SH3BP5: variants seen among roughly 807,000 people sequenced by gnomAD.
The protein encoded by SH3BP5 is SH3 domain binding protein 5.
Under a neutral mutation model 43.3 loss-of-function variants are expected in SH3BP5, and 22 were observed. The ratio of observed to expected loss-of-function variants is 0.51; its 90% CI spans 0.36 to 0.73. SH3BP5 has a LOEUF of 0.73. Ranked by LOEUF, SH3BP5 falls within the 30% of genes least tolerant of loss-of-function variation. The probability of loss-of-function intolerance (pLI) is 0.00; values close to 1 mark genes in which losing one functional copy is unlikely to be tolerated. For synonymous variants in SH3BP5, 255 were observed against 225.8 expected (o/e 1.13, Z -1.16); for missense variants, 529 against 586.9 (o/e 0.90, Z 1.02).
At chr3:15,293,613 G>A (rs921486210) in intron 3 of SH3BP5, among the ~76,000 whole-genome samples, 5 of 152,188 alleles carry the variant, frequency 3.3e-5, no homozygotes, top group African/African-American at 4.8e-5. Flanking sequence ...CTCCTCAGAT[G>A]TGCCAGAGTG....
intron 4 of SH3BP5, among the ~76,000 whole-genome samples, chr3:15,266,116 G>A (rs1331349369): frequency 1.3e-5 from 2 of 152,224 alleles, no homozygotes; most frequent in Admixed American, 1.3e-4. Context: ...TCACAGAGGG[G>A]CGGTCAGGAG....
chr3:15,274,952 T>TTAAA (rs1411934554), intron 3 of SH3BP5, among the ~76,000 whole-genome samples: 10 of 152,142 alleles, frequency 6.6e-5, no homozygotes, highest in African/African-American at 2.4e-4. Context: ...GCCTCCATGA[T>TTAAA]TAAATCATCT....
At chr3:15,340,129 A>G (rs1309492441) in intron 1 of SH3BP5, among the ~76,000 whole-genome samples, 1 of 152,190 alleles carries the variant, frequency 6.6e-6, no homozygotes, top group Non-Finnish European at 1.5e-5. Flanking sequence ...AGTCTAGGAA[A>G]TCTAAGGAAG....
At chr3:15,322,772 C>T (rs1698361795) in intron 2 of SH3BP5, among the ~76,000 whole-genome samples, 1 of 152,092 alleles carries the variant, frequency 6.6e-6, no homozygotes, top group African/African-American at 2.4e-5. Context: ...GAGTTCGAGG[C>T]TCCAGGGAGC....
intron 2 of SH3BP5, among the ~76,000 whole-genome samples, 171 bp downstream of exon 2, chr3:15,330,333 C>T (rs753777613): frequency 6.6e-6 from 1 of 152,200 alleles, no homozygotes. Context: ...ACATGCGTTC[C>T]GCCCACAGGT....
chr3:15,330,177 T>C (rs114457427), intron 2 of SH3BP5, among the ~76,000 whole-genome samples: 245 of 152,360 alleles, frequency 1.6e-3, no homozygotes, highest in South Asian at 0.012. Context: ...CATTCATTAT[T>C]CTCCATTAAA....
chr3:15,259,772 C>T lies in SH3BP5; in HGVS notation c.658G>A (p.Val220Met), dbSNP rs766962364. The T allele has an allele frequency of 8.1e-6, 13 of 1,614,022 alleles. No homozygotes were observed. Among genetic ancestry groups the T allele is most frequent in the South Asian group, 1.1e-5 (1 of 91,086 alleles). ...PYFELKAKYY[V>M]QLEQLKKTVD... ...AAAGCTACACATACCTCGAGCTGCACATAGTACTTTGCCTTGAGTTCAAAA... is the reference window on the plus strand; with the variant it reads ...AAAGCTACACATACCTCGAGCTGCATATAGTACTTTGCCTTGAGTTCAAAA... Residue 220 changes from valine (V) to methionine (M), a missense_variant, in exon 6 of 9, where the codon GTG (valine) becomes ATG (methionine). Transcript: ENST00000383791.
chr3:15,308,821 C>G (rs573297655), intron 2 of SH3BP5, among the ~76,000 whole-genome samples: 1 of 152,202 alleles, frequency 6.6e-6, no homozygotes, highest in Non-Finnish European at 1.5e-5. Context: ...ATCTCAAAAT[C>G]AAACCTTTTA....
chr3:15,305,586 G>A (rs939152887), intron 2 of SH3BP5, among the ~76,000 whole-genome samples: 7 of 152,176 alleles, frequency 4.6e-5, no homozygotes, highest in African/African-American at 4.8e-5. Context: ...ACTTCCAGAG[G>A]AGTACTATCT....
At chr3:15,325,806 A>G (rs764401768) in intron 2 of SH3BP5, among the ~76,000 whole-genome samples, 3 of 152,186 alleles carry the variant, frequency 2.0e-5, no homozygotes, top group Non-Finnish European at 2.9e-5. Context: ...GATCGCTCTC[A>G]GCTCCAGAGT....
chr3:15,325,087 G>C, intron 2 of SH3BP5, among the ~76,000 whole-genome samples: 1 of 152,190 alleles, frequency 6.6e-6, no homozygotes, highest in East Asian at 1.9e-4. Context: ...TTCAGAGCAA[G>C]CACGGGAAAT....
chr3:15,257,875 C>T (rs1696277722), intron 7 of SH3BP5, among the ~76,000 whole-genome samples: 1 of 152,100 alleles, frequency 6.6e-6, no homozygotes, highest in Non-Finnish European at 1.5e-5. Context: ...TGTAGCATTC[C>T]ATAAAGGTTT....
At chr3:15,322,928 G>C (rs1209422444) in intron 2 of SH3BP5, among the ~76,000 whole-genome samples, 1 of 151,952 alleles carries the variant, frequency 6.6e-6, no homozygotes, top group Non-Finnish European at 1.5e-5. Flanking sequence ...AATCATTTGA[G>C]GTCAGGAGTT....
chr3:15,325,048 A>G (rs752924674), intron 2 of SH3BP5, among the ~76,000 whole-genome samples: 4 of 152,138 alleles, frequency 2.6e-5, no homozygotes, highest in Non-Finnish European at 4.4e-5. Flanking sequence ...AAAAGGACGG[A>G]CCCCTTCACA....
At chr3:15,304,593 T>A (rs1697846620) in intron 2 of SH3BP5, among the ~76,000 whole-genome samples, 1 of 152,168 alleles carries the variant, frequency 6.6e-6, no homozygotes. Context: ...GGCAGGCCCA[T>A]CACTTGAGGT....
At chr3:15,296,243 C>A (rs1193319961) in intron 3 of SH3BP5, among the ~76,000 whole-genome samples, 2 of 151,982 alleles carry the variant, frequency 1.3e-5, no homozygotes, top group Non-Finnish European at 2.9e-5. Flanking sequence ...TCCACAGTGG[C>A]CACTGCAGAC....
intron 4 of SH3BP5, 40 bp downstream of exon 4, chr3:15,269,673 A>G (rs769380338): frequency 1.3e-6 from 2 of 1,491,846 alleles, no homozygotes; most frequent in Admixed American, 4.6e-5. Flanking sequence ...GCGCGCATGC[A>G]CGCGCACACC....
At chr3:15,271,072 T>A (rs1696784306) in intron 3 of SH3BP5, among the ~76,000 whole-genome samples, 3 of 151,804 alleles carry the variant, frequency 2.0e-5, no homozygotes, top group South Asian at 4.1e-4. Context: ...TAAATTAAAT[T>A]AAATATATTA....
At position 15,267,203 on chromosome 3, in the gene SH3BP5, G is replaced by C. The variant is rs75030341; in HGVS notation, c.495+2510C>G. Among the ~76,000 whole-genome samples the C allele has an allele frequency of 4.0e-3, 604 of 152,284 alleles. 4 individuals are homozygous for C. The highest frequency in any genetic ancestry group is 0.014 in the African/African-American group (575 of 41,548). ...GGAGGGGTCAACATGAGCACCACTGGGGGAAACGCTAAGTCCAGAGAGTTC... is the reference window on the plus strand; with the variant it reads ...GGAGGGGTCAACATGAGCACCACTGCGGGAAACGCTAAGTCCAGAGAGTTC... On this transcript the variant is annotated intron_variant, in intron 4 of 8. Transcript: ENST00000383791.
Sources: gnomAD v4.1 joint callset for allele counts (sites outside exome capture counted in the v4.1 genomes callset) on GRCh38, gnomAD v4.1.1 for gene constraint, MANE v1.5 for transcripts, NCBI Gene and HGNC (gene_info 2026-07-23, HGNC 2026-07-21) for gene names.